Variants in H3-3B observed in about 807,000 individuals in gnomAD.
H3-3B encodes the protein H3.3 histone B.
H3-3B carries 2 observed loss-of-function variants against 13.1 expected under a neutral mutation model. The observed-to-expected ratio is 0.15, with a 90% CI of 0.06 to 0.48. H3-3B has a LOEUF of 0.48. Ranked by LOEUF, H3-3B falls within the 20% of genes least tolerant of loss-of-function variation. The probability of loss-of-function intolerance (pLI) is 0.97; values close to 1 mark genes in which losing one functional copy is unlikely to be tolerated. For missense variants in H3-3B, 39 were observed against 186.0 expected (o/e 0.21, Z 4.60); for synonymous variants, 133 against 75.8 (o/e 1.76, Z -3.92).
In H3-3B at chr17:75,778,434, G is replaced by C. The variant is rs1014721696; in HGVS notation, c.*161C>G. ...TGAGCAACAGTGCTCACATCACTGA[G>C]GTCTGTGAACAGTCACTTTTCGCAT... On this transcript the variant is annotated 3_prime_UTR_variant, in exon 4 of 4. Transcript: ENST00000254810. 2 of 961,858 alleles carry C rather than the reference G, an allele frequency of 2.1e-6. No individual in the cohort carries two copies. Among genetic ancestry groups the C allele is most frequent in the African/African-American group, 1.7e-5 (1 of 60,320 alleles). The allele number at this position is 961,858 out of a possible 1,614,324, so 59.6% of individuals were successfully genotyped here.
intron 1 of H3-3B, 151 bp from the exon 2 acceptor site, chr17:75,779,335 C>T: frequency 1.3e-6 from 1 of 746,060 alleles, no homozygotes; most frequent in Non-Finnish European, 1.9e-6. Flanking sequence ...GGCCGCCAAC[C>T]TCCTCCCCCT....
chr17:75,777,857 T>TA lies in H3-3B; in HGVS notation c.*737dup, dbSNP rs1384526145. The stretch of plus-strand genomic sequence containing the variant: ...GCCCTTATAAATAAAATCCCCCAGT[T>TA]AGTGTTTGCATTATCAGCTAGAGGG... On this transcript the variant is annotated 3_prime_UTR_variant, in exon 4 of 4. Coordinates refer to ENST00000254810, the MANE Select transcript of H3-3B (RefSeq NM_005324.5). 2.6e-5 allele frequency: 4 copies of TA among 152,598 alleles called. No homozygotes were observed. Among genetic ancestry groups the TA allele is most frequent in the African/African-American group, 9.7e-5 (4 of 41,450 alleles). 9.5% of individuals were successfully genotyped at this position (152,598 alleles called of 1,614,324 possible).
At chr17:75,779,386 G>A (rs934307205) in intron 1 of H3-3B, 2 of 441,972 alleles carry the variant, frequency 4.5e-6, no homozygotes, top group East Asian at 7.4e-5. Flanking sequence ...AGCCTCCCCC[G>A]GGAGGGGGAG....
rs1203366413 is a variant in H3-3B, at chr17:75,777,756, A to G, written c.*839T>C. 1 of 152,502 alleles carries G rather than the reference A, an allele frequency of 6.6e-6. No homozygotes were observed. The highest frequency in any genetic ancestry group is 1.5e-5 in the Non-Finnish European group (1 of 68,020). 9.4% of individuals were successfully genotyped at this position (152,502 alleles called of 1,614,324 possible). On this transcript the variant is annotated 3_prime_UTR_variant, in exon 4 of 4. Coordinates refer to ENST00000254810, the MANE Select transcript of H3-3B (RefSeq NM_005324.5). ...CTAGTTATGAGACCAACCACACAAC[A>G]CAATGAAAAGCTGCACTAACTAGTT...
At position 75,778,164 on chromosome 17, in the gene H3-3B, C is replaced by T. The variant is rs1231850835; in HGVS notation, c.*431G>A. 1 of 154,966 alleles carries T rather than the reference C, an allele frequency of 6.5e-6. No individual in the cohort carries two copies. Among genetic ancestry groups the T allele is most frequent in the African/African-American group, 2.4e-5 (1 of 41,068 alleles). The allele number at this position is 154,966 out of a possible 1,614,324, so 9.6% of individuals were successfully genotyped here. On this transcript the variant is annotated 3_prime_UTR_variant, in exon 4 of 4. Coordinates refer to ENST00000254810, the MANE Select transcript of H3-3B (RefSeq NM_005324.5). ...ACTGTAAGTTACACTGTGGTTAAGACTTGTATCTTCACCCTTGAAAAAGCC... is the reference window on the plus strand; with the variant it reads ...ACTGTAAGTTACACTGTGGTTAAGATTTGTATCTTCACCCTTGAAAAAGCC...
intron 3 of H3-3B, 35 bp downstream of exon 3, chr17:75,778,775 C>T (rs772231568): frequency 1.3e-4 from 213 of 1,614,012 alleles, no homozygotes; most frequent in Non-Finnish European, 1.8e-4. Flanking sequence ...GCGGAAACCG[C>T]CCAGCCCTCC....
rs1333097662 is a variant in H3-3B, at chr17:75,777,699, ACT to A, written c.*894_*895del. 2.0e-5 allele frequency: 3 copies of A among 152,452 alleles called. No homozygotes were observed. The highest frequency in any genetic ancestry group is 7.2e-5 in the African/African-American group (3 of 41,464). 9.4% of individuals were successfully genotyped at this position (152,452 alleles called of 1,614,324 possible). A position where few individuals can be genotyped will look rare whatever the true frequency, so the allele number is the denominator to read the frequency against. On this transcript the variant is annotated 3_prime_UTR_variant, in exon 4 of 4. Transcript: ENST00000254810. ...ATGCCACAAGAAAAAGAACTTCGGT[ACT>A]GTTTCCTCAGCAGAGGAGAAAAACT...
chr17:75,777,274 T>C lies in H3-3B; in HGVS notation c.*1321A>G, dbSNP rs964116686. ...AGCCCACACTGCAAATACAGCACTA[T>C]TATGGCATCTTAATCAAGCAGAGAG... On this transcript the variant is annotated 3_prime_UTR_variant, in exon 4 of 4. Transcript: ENST00000254810. 1 of 152,234 alleles carries C rather than the reference T, an allele frequency of 6.6e-6. No homozygotes were observed. Among genetic ancestry groups the C allele is most frequent in the African/African-American group, 2.4e-5 (1 of 41,448 alleles). The allele number at this position is 152,234 out of a possible 1,614,324, so 9.4% of individuals were successfully genotyped here.
Position 75,778,364 on chromosome 17 carries a change from A to G in H3-3B, c.*231T>C, listed in dbSNP as rs945883483. On this transcript the variant is annotated 3_prime_UTR_variant, in exon 4 of 4. Transcript: ENST00000254810. ...ACAGAAACATGCATCATGAGAAGCA[A>G]GAAGTATCACCCATCCCTTCTGCAT... The G allele has an allele frequency of 2.2e-5, 12 of 555,040 alleles. No homozygotes were observed. The highest frequency in any genetic ancestry group is 1.9e-4 in the African/African-American group (10 of 52,784). 34.4% of individuals were successfully genotyped at this position (555,040 alleles called of 1,614,324 possible).
At position 75,778,703 on chromosome 17, in the gene H3-3B, C is replaced by T. The variant is rs772034513; in HGVS notation, c.303G>A (p.Leu101=). The T allele has an allele frequency of 6.2e-7, 1 of 1,614,196 alleles. No homozygotes were observed. Among genetic ancestry groups the T allele is most frequent in the East Asian group, 2.2e-5 (1 of 44,892 alleles). ...GALQEASEAY[L]VGLFEDTNLC... is the part of the protein sequence containing the mutation. ...GGTTGGTATCTTCGAACAGACCCAC[C>T]AGGTACGCTTCGCTAGCCTCCTGTT... The change falls in exon 4 of 4, where the codon CTG becomes CTA. Residue 101 remains leucine, a synonymous_variant. Transcript: ENST00000254810.
rs931893215 is a variant in H3-3B at position 75,778,389 on chromosome 17, T to A, written c.*206A>T. The A allele has an allele frequency of 4.8e-6, 3 of 630,180 alleles. No individual in the cohort carries two copies. In the African/African-American group the frequency reaches 5.5e-5, roughly 12 times the overall value. The allele number at this position is 630,180 out of a possible 1,614,324, so 39.0% of individuals were successfully genotyped here. A position where few individuals can be genotyped will look rare whatever the true frequency, so the allele number is the denominator to read the frequency against. On this transcript the variant is annotated 3_prime_UTR_variant, in exon 4 of 4. Coordinates refer to ENST00000254810, the MANE Select transcript of H3-3B (RefSeq NM_005324.5). ...AGAAGTATCACCCATCCCTTCTGCATATTAGCAACTTGTCACTCCTGAGCA... is the reference window on the plus strand; with the variant it reads ...AGAAGTATCACCCATCCCTTCTGCAAATTAGCAACTTGTCACTCCTGAGCA...
At chr17:75,779,230 C>G in intron 1 of H3-3B, 46 bp from the exon 2 acceptor site, 1 of 1,439,606 alleles carries the variant, frequency 6.9e-7, no homozygotes. Flanking sequence ...TCACCCGGGC[C>G]GCCCCCCAGG....
At position 75,779,662 on chromosome 17, in the gene H3-3B, G is replaced by A. The variant is rs1857304102; in HGVS notation, c.-16C>T. ...GTAAACCTACGAACGCCTACCCAAC[G>A]CCGAAGTTTTAGGCCACTTCTCCGA... On this transcript the variant is annotated 5_prime_UTR_variant, in exon 1 of 4. Coordinates refer to ENST00000254810, the MANE Select transcript of H3-3B (RefSeq NM_005324.5). The A allele has an allele frequency of 1.9e-5, 3 of 157,216 alleles. No individual in the cohort carries two copies. The highest frequency in any genetic ancestry group is 2.1e-4 in the South Asian group (1 of 4,866). The allele number at this position is 157,216 out of a possible 1,614,324, so 9.7% of individuals were successfully genotyped here. A position where few individuals can be genotyped will look rare whatever the true frequency, so the allele number is the denominator to read the frequency against.
rs1366459854 is a variant in H3-3B at position 75,778,092 on chromosome 17, A to G, written c.*503T>C. 2.6e-5 allele frequency: 4 copies of G among 152,884 alleles called. No homozygotes were observed. Among genetic ancestry groups the G allele is most frequent in the Non-Finnish European group, 5.9e-5 (4 of 68,270 alleles). The allele number at this position is 152,884 out of a possible 1,614,324, so 9.5% of individuals were successfully genotyped here. A position where few individuals can be genotyped will look rare whatever the true frequency, so the allele number is the denominator to read the frequency against. ...TAAAATAGCTATTATAAATGCACAT[A>G]GTGTATTCTATAGCTGCCAGGTTTA... On this transcript the variant is annotated 3_prime_UTR_variant, in exon 4 of 4. Transcript: ENST00000254810.
Position 75,778,534 on chromosome 17 carries a change from A to T in H3-3B, c.*61T>A, listed in dbSNP as rs2061650306. The T allele has an allele frequency of 5.8e-6, 9 of 1,559,916 alleles. No homozygotes were observed. Among genetic ancestry groups the T allele is most frequent in the Non-Finnish European group, 7.8e-6 (9 of 1,153,716 alleles). ...TAAACAATTTCTTACAAAAAAAGTC[A>T]CAAATTAAACCAAAGTATTTTACAG... On this transcript the variant is annotated 3_prime_UTR_variant, in exon 4 of 4. Coordinates refer to ENST00000254810, the MANE Select transcript of H3-3B (RefSeq NM_005324.5).
chr17:75,779,280 C>T, intron 1 of H3-3B, 96 bp from the exon 2 acceptor site: 1 of 1,242,996 alleles, frequency 8.0e-7, no homozygotes, highest in Non-Finnish European at 1.0e-6. Flanking sequence ...CACCGCCGGG[C>T]CTCCCGCCTC....
At chr17:75,779,019 C>T (rs771242574) in intron 2 of H3-3B, 28 bp downstream of exon 2, 1 of 1,611,834 alleles carries the variant, frequency 6.2e-7, no homozygotes, top group Non-Finnish European at 8.5e-7. Flanking sequence ...CGGCCACCGC[C>T]GGGCCATTGT....
At position 75,778,484 on chromosome 17, in the gene H3-3B, A is replaced by T. The variant is rs1269632574; in HGVS notation, c.*111T>A. ...TTCATCCTGAGTGAAAGATGGAATG[A>T]CTTAAGTACAAATGCAACATATTAT... is the stretch of plus-strand genomic sequence containing the variant. On this transcript the variant is annotated 3_prime_UTR_variant, in exon 4 of 4. Transcript: ENST00000254810. The T allele has an allele frequency of 3.5e-6, 5 of 1,416,200 alleles. No individual in the cohort carries two copies. Among genetic ancestry groups the T allele is most frequent in the African/African-American group, 1.4e-5 (1 of 69,818 alleles). 87.7% of individuals were successfully genotyped at this position (1,416,200 alleles called of 1,614,324 possible).
chr17:75,777,786 ATGTT>A lies in H3-3B; in HGVS notation c.*805_*808del, dbSNP rs1192311326. 1 of 152,596 alleles carries A rather than the reference ATGTT, an allele frequency of 6.6e-6. No homozygotes were observed. The highest frequency in any genetic ancestry group is 6.5e-5 in the Admixed American group (1 of 15,288). The allele number at this position is 152,596 out of a possible 1,614,324, so 9.5% of individuals were successfully genotyped here. A position where few individuals can be genotyped will look rare whatever the true frequency, so the allele number is the denominator to read the frequency against. On this transcript the variant is annotated 3_prime_UTR_variant, in exon 4 of 4. Coordinates refer to ENST00000254810, the MANE Select transcript of H3-3B (RefSeq NM_005324.5). ...GAAAAGCTGCACTAACTAGTTCAGA[ATGTT>A]AGTTAAGATGATGCTGGTGTGAATA...
Sources: gnomAD v4.1 joint callset for allele counts on GRCh38, gnomAD v4.1.1 for gene constraint, MANE v1.5 for transcripts, NCBI Gene and HGNC (gene_info 2026-07-23, HGNC 2026-07-21) for gene names.